The following MEF2D variants were observed in gnomAD, a reference collection of about 807,000 sequenced individuals.
MEF2D encodes the protein myocyte-specific enhancer factor 2D.
MEF2D carries 10 observed loss-of-function variants against 59.3 expected under a neutral mutation model. The observed-to-expected ratio is 0.17, with a 90% CI of 0.10 to 0.29. The LOEUF (loss-of-function observed/expected upper bound fraction) is 0.29, where lower values mean the gene tolerates loss of function less well. MEF2D is among the 10% of genes least tolerant of loss of function. MEF2D has a pLI of 1.00. For missense variants in MEF2D, 508 were observed against 699.4 expected (o/e 0.73, Z 3.09); for synonymous variants, 305 against 295.0 (o/e 1.03, Z -0.35).
chr1:156,489,037 T>C (rs1461014075), intron 1 of MEF2D, among the ~76,000 whole-genome samples: 1 of 151,932 alleles, frequency 6.6e-6, no homozygotes, highest in Non-Finnish European at 1.5e-5. Context: ...CCAGCACAGG[T>C]CAAAAGGGAG....
At chr1:156,500,127 C>T (rs1673397098) in intron 1 of MEF2D, among the ~76,000 whole-genome samples, 1 of 152,148 alleles carries the variant, frequency 6.6e-6, no homozygotes, top group African/African-American at 2.4e-5. Flanking sequence ...TCACCGGAGA[C>T]CCCCTCGGAG....
chr1:156,479,924 G>A, intron 4 of MEF2D, 128 bp from the exon 5 acceptor site: 2 of 885,050 alleles, frequency 2.3e-6, no homozygotes, highest in Non-Finnish European at 3.5e-6. Flanking sequence ...AGCAGTTCAA[G>A]CTCCCTGCCC....
intron 2 of MEF2D, among the ~76,000 whole-genome samples, chr1:156,482,902 G>A (rs941659098): frequency 2.6e-5 from 4 of 152,240 alleles, no homozygotes; most frequent in Admixed American, 2.6e-4. Context: ...CTCTGTGCTG[G>A]AGGCTATGAA....
In MEF2D at chr1:156,467,113, CAG is replaced by C. The variant is rs1470109009; in HGVS notation, c.*530_*531del. On this transcript the variant is annotated 3_prime_UTR_variant, in exon 12 of 12. Transcript: ENST00000348159. ...GCCTATGGCTACATGAACACAAAAA[CAG>C]AGACCCTTTTCAGAACCTCTGCCTC... 1.3e-5 allele frequency: 2 copies of C among 152,682 alleles called. No homozygotes were observed. The highest frequency in any genetic ancestry group is 6.5e-5 in the Admixed American group (1 of 15,284). The allele number at this position is 152,682 out of a possible 1,614,324, so 9.5% of individuals were successfully genotyped here.
intron 8 of MEF2D, among the ~76,000 whole-genome samples, chr1:156,475,763 T>C (rs967348810): frequency 4.6e-5 from 7 of 152,208 alleles, no homozygotes; most frequent in African/African-American, 1.7e-4. Flanking sequence ...ACTGCCGCCG[T>C]GTTGGCCGCC....
intron 5 of MEF2D, 40 bp from the exon 6 acceptor site, chr1:156,479,386 C>T: frequency 6.3e-7 from 1 of 1,598,514 alleles, no homozygotes; most frequent in Non-Finnish European, 8.5e-7. Flanking sequence ...GACAACACTC[C>T]CGCTTCAAGA....
In MEF2D at chr1:156,467,045, G is replaced by A. The variant is rs921015953; in HGVS notation, c.*600C>T. On this transcript the variant is annotated 3_prime_UTR_variant, in exon 12 of 12. Transcript: ENST00000348159. ...CAGCGCAGGTGTGGCACGTGTGTGT[G>A]CAGGGGCATTTGGGGGCCAGGCTTA... 6.5e-6 allele frequency: 1 copy of A among 152,688 alleles called. No homozygotes were observed. Among genetic ancestry groups the A allele is most frequent in the African/African-American group, 2.4e-5 (1 of 41,454 alleles). 9.5% of individuals were successfully genotyped at this position (152,688 alleles called of 1,614,324 possible). A position where few individuals can be genotyped will look rare whatever the true frequency, so the allele number is the denominator to read the frequency against.
chr1:156,481,645 A>G (rs181990129), intron 3 of MEF2D, among the ~76,000 whole-genome samples: 49 of 152,362 alleles, frequency 3.2e-4, no homozygotes, highest in African/African-American at 1.1e-3. Context: ...AAATGAATGC[A>G]AATTTTACCT....
chr1:156,480,239 A>C (rs1406377345), intron 4 of MEF2D, among the ~76,000 whole-genome samples: 1 of 151,958 alleles, frequency 6.6e-6, no homozygotes, highest in Non-Finnish European at 1.5e-5. Context: ...CTGCAGAGAG[A>C]GCTCACCCCC....
rs532118318 is a variant in MEF2D at position 156,496,035 on chromosome 1, C to T, written c.-139+4451G>A. On this transcript the variant is annotated intron_variant, in intron 1 of 11. Transcript: ENST00000348159. ...GCACAAGTGCCTCCCGCCCCCTTGGCTATCAGGGTCCTGTGCAGAATCAAT... is the reference window on the plus strand; with the variant it reads ...GCACAAGTGCCTCCCGCCCCCTTGGTTATCAGGGTCCTGTGCAGAATCAAT... Among the ~76,000 whole-genome samples, 192 of 152,356 alleles carry T rather than the reference C, an allele frequency of 1.3e-3. 1 individual carries two copies. In the Middle Eastern group the frequency reaches 0.017, roughly 13 times the overall value.
At chr1:156,483,583 A>G (rs1002186529) in intron 1 of MEF2D, among the ~76,000 whole-genome samples, 153 bp from the exon 2 acceptor site, 7 of 152,184 alleles carry the variant, frequency 4.6e-5, no homozygotes, top group African/African-American at 1.7e-4. Flanking sequence ...GCCTGAGGCA[A>G]TGGTATGCCA....
At chr1:156,480,567 A>T in intron 4 of MEF2D, 1 of 1,438,576 alleles carries the variant, frequency 7.0e-7, no homozygotes, top group Non-Finnish European at 9.3e-7. Context: ...CGGAGCACCC[A>T]TCAGGGCAGC....
intron 1 of MEF2D, among the ~76,000 whole-genome samples, chr1:156,496,569 T>C (rs1673143029): frequency 6.6e-6 from 1 of 152,176 alleles, no homozygotes; most frequent in Admixed American, 6.5e-5. Context: ...TCCCTCCTGC[T>C]CCAGTCAGCC....
intron 9 of MEF2D, 54 bp from the exon 10 acceptor site, chr1:156,469,074 C>T (rs1280972952): frequency 1.3e-5 from 20 of 1,544,884 alleles, no homozygotes; most frequent in Non-Finnish European, 1.8e-5. Context: ...CACACAGGCT[C>T]CTATGAGGGA....
chr1:156,481,104 G>A (rs989194486), intron 3 of MEF2D, 133 bp from the exon 4 acceptor site: 8 of 1,286,706 alleles, frequency 6.2e-6, no homozygotes, highest in Admixed American at 2.1e-5. Flanking sequence ...GCATCTCCCT[G>A]GCCCCTCCCC....
chr1:156,484,376 G>A (rs958268176), intron 1 of MEF2D, among the ~76,000 whole-genome samples: 8 of 152,346 alleles, frequency 5.3e-5, no homozygotes, highest in Admixed American at 4.6e-4. Flanking sequence ...TACCATGAAA[G>A]CAACAGACAG....
intron 7 of MEF2D, 107 bp downstream of exon 7, chr1:156,476,905 T>C: frequency 7.6e-7 from 1 of 1,313,332 alleles, no homozygotes; most frequent in Non-Finnish European, 1.1e-6. Flanking sequence ...TCTTGGGAAG[T>C]CCTAACTGCT....
Position 156,474,774 on chromosome 1 carries a change from T to G in MEF2D, c.1006+334A>C, listed in dbSNP as rs1366526350. On this transcript the variant is annotated intron_variant, in intron 9 of 11. Transcript: ENST00000348159. ...GTAGTGAGCTAGGATGGCACCACTG[T>G]ACTCCAGTCTGGGTGACAGAGTGAA... Among the ~76,000 whole-genome samples the G allele has an allele frequency of 5.3e-5, 8 of 152,208 alleles. No individual in the cohort carries two copies. The South Asian group carries it at 1.2e-3, about 24-fold the overall frequency.
At chr1:156,475,349 G>A in intron 8 of MEF2D, 112 bp from the exon 9 acceptor site, 1 of 1,342,414 alleles carries the variant, frequency 7.4e-7, no homozygotes, top group Non-Finnish European at 9.9e-7. Flanking sequence ...AAGGCGGGGT[G>A]CCTTAGCACG....
Sources: allele counts gnomAD v4.1 joint callset (sites outside exome capture counted in the v4.1 genomes callset), GRCh38; gene constraint gnomAD v4.1.1; transcripts MANE v1.5; gene names NCBI Gene and HGNC (gene_info 2026-07-23, HGNC 2026-07-21).